ANO10: variants seen among roughly 807,000 people sequenced by gnomAD.
The protein encoded by ANO10 is anoctamin-10.
ANO10 carries 77 observed loss-of-function variants against 74.7 expected under a neutral mutation model. The observed-to-expected ratio is 1.03, with a 90% CI of 0.86 to 1.25. The LOEUF (loss-of-function observed/expected upper bound fraction) is 1.25. Ranked by LOEUF, ANO10 falls within the 50% of genes most tolerant of loss-of-function variation. The pLI is 0.00. For missense variants in ANO10, 721 were observed against 778.1 expected (o/e 0.93, Z 0.87); for synonymous variants, 279 against 284.9 (o/e 0.98, Z 0.21).
chr3:43,547,076 G>A (rs180867332), intron 11 of ANO10, among the ~76,000 whole-genome samples: 26 of 152,156 alleles, frequency 1.7e-4, no homozygotes, highest in African/African-American at 5.5e-4. Flanking sequence ...AACTACAGGC[G>A]AACACCAATT....
At chr3:43,487,927 G>A (rs1223388497) in intron 11 of ANO10, among the ~76,000 whole-genome samples, 1 of 151,616 alleles carries the variant, frequency 6.6e-6, no homozygotes, top group Non-Finnish European at 1.5e-5. Flanking sequence ...TATACTACAA[G>A]GCTACAGTAA....
At chr3:43,440,414 C>G (rs1378370508) in intron 11 of ANO10, among the ~76,000 whole-genome samples, 1 of 152,018 alleles carries the variant, frequency 6.6e-6, no homozygotes, top group Non-Finnish European at 1.5e-5. Flanking sequence ...ATACTTACAT[C>G]AGACAAAATA....
intron 11 of ANO10, among the ~76,000 whole-genome samples, chr3:43,497,298 T>A (rs2076951519): frequency 6.6e-6 from 1 of 152,152 alleles, no homozygotes; most frequent in Non-Finnish European, 1.5e-5. Context: ...AATAAGCGAG[T>A]AATGCTTTTG....
intron 12 of ANO10, among the ~76,000 whole-genome samples, chr3:43,394,820 G>A (rs1352520714): frequency 6.6e-6 from 1 of 152,104 alleles, no homozygotes; most frequent in Non-Finnish European, 1.5e-5. Flanking sequence ...CATGGGCAAG[G>A]TCCTACCACT....
intron 11 of ANO10, among the ~76,000 whole-genome samples, chr3:43,522,320 TA>T (rs922864168): frequency 6.6e-6 from 1 of 152,088 alleles, no homozygotes; most frequent in South Asian, 2.1e-4. Flanking sequence ...TTTACCATGA[TA>T]AAAAAATACA....
intron 12 of ANO10, among the ~76,000 whole-genome samples, chr3:43,406,872 C>T (rs1349171840): frequency 1.3e-5 from 2 of 152,000 alleles, no homozygotes; most frequent in East Asian, 1.9e-4. Context: ...GGTTATTCCA[C>T]CTGCAGTGTG....
rs1169816392 is a variant in ANO10, at chr3:43,562,455, C to CAAAAAAA, written c.1294-1060_1294-1054dup. Among the ~76,000 whole-genome samples the CAAAAAAA allele has an allele frequency of 1.3e-3, 90 of 69,910 alleles. 11 individuals carry two copies. Among genetic ancestry groups the CAAAAAAA allele is most frequent in the East Asian group, 5.0e-3 (10 of 1,998 alleles). The allele number at this position is 69,910 out of a possible 152,430, so 45.9% of individuals were successfully genotyped here. On this transcript the variant is annotated intron_variant, in intron 8 of 12. Transcript: ENST00000292246. ...CGGCAGAACGAGGCTCTGTCTCAAA[C>CAAAAAAA]AAAAAAAAAAAAAAAAGAAGTTTGA...
chr3:43,404,522 C>T (rs748778097), intron 12 of ANO10, among the ~76,000 whole-genome samples: 19 of 152,144 alleles, frequency 1.2e-4, no homozygotes, highest in Admixed American at 2.6e-4. Flanking sequence ...ACAGAAACTG[C>T]GAAATAACAA....
At chr3:43,445,479 TTTTAC>T (rs1488222438) in intron 11 of ANO10, among the ~76,000 whole-genome samples, 1 of 152,174 alleles carries the variant, frequency 6.6e-6, no homozygotes, top group Non-Finnish European at 1.5e-5. Context: ...TTAAAAAGAC[TTTTAC>T]TTTATCATAT....
At chr3:43,633,638 T>A (rs181460319) in intron 1 of ANO10, among the ~76,000 whole-genome samples, 13 of 152,354 alleles carry the variant, frequency 8.5e-5, no homozygotes, top group African/African-American at 3.1e-4. Flanking sequence ...TTCTGAATCA[T>A]GAGTGTCAAG....
chr3:43,549,662 T>C (rs2079364310), intron 11 of ANO10, 58 bp downstream of exon 11: 2 of 1,599,712 alleles, frequency 1.3e-6, no homozygotes, highest in Non-Finnish European at 1.7e-6. Flanking sequence ...CAGCACTGCT[T>C]TGGAATAGAG....
chr3:43,612,036 C>T (rs1240130061), intron 1 of ANO10, among the ~76,000 whole-genome samples: 2 of 151,142 alleles, frequency 1.3e-5, no homozygotes, highest in South Asian at 4.2e-4. Context: ...TCTCTCCCTA[C>T]CTCTAGAATC....
intron 11 of ANO10, among the ~76,000 whole-genome samples, chr3:43,451,442 C>T (rs531619128): frequency 9.2e-5 from 14 of 152,346 alleles, no homozygotes; most frequent in African/African-American, 3.4e-4. Context: ...CTTCCTTTCC[C>T]ATCCCTTTCA....
chr3:43,605,447 G>T (rs2082515654), intron 2 of ANO10, among the ~76,000 whole-genome samples: 1 of 152,086 alleles, frequency 6.6e-6, no homozygotes, highest in South Asian at 2.1e-4. Context: ...AGTGTGGTAG[G>T]CATACTATTT....
rs201522767 is a variant in ANO10, at chr3:43,572,236, A to AC, written c.1218+2572dup. Among the ~76,000 whole-genome samples, 837 of 151,974 alleles carry AC rather than the reference A, an allele frequency of 5.5e-3. 6 individuals carry two copies. Among genetic ancestry groups the AC allele is most frequent in the African/African-American group, 0.019 (800 of 41,442 alleles). Reference sequence around the variant, plus strand: ...AATTGGCAAGGGGAAATCAATCAGGACCCCCCCACCAACAATAAGTTTCCT... The same window carrying AC: ...AATTGGCAAGGGGAAATCAATCAGGACCCCCCCCACCAACAATAAGTTTCCT... On this transcript the variant is annotated intron_variant, in intron 7 of 12. Transcript: ENST00000292246.
chr3:43,377,130 G>A (rs946688724), intron 12 of ANO10, among the ~76,000 whole-genome samples: 6 of 152,122 alleles, frequency 3.9e-5, no homozygotes, highest in Non-Finnish European at 7.4e-5. Flanking sequence ...CACCTAGGCT[G>A]GAGTGGAGTG....
At chr3:43,562,174 C>T (rs867976538) in intron 8 of ANO10, among the ~76,000 whole-genome samples, 4 of 151,700 alleles carry the variant, frequency 2.6e-5, no homozygotes, top group South Asian at 2.1e-4. Flanking sequence ...AGTTTGAGGC[C>T]GGGCACAGTG....
intron 1 of ANO10, among the ~76,000 whole-genome samples, chr3:43,615,975 T>C (rs564944442): frequency 7.2e-5 from 11 of 152,270 alleles, no homozygotes; most frequent in Admixed American, 4.6e-4. Flanking sequence ...TTTTTAACTA[T>C]ATGATACAAG....
At chr3:43,637,115 A>G (rs1346156377) in intron 1 of ANO10, among the ~76,000 whole-genome samples, 1 of 152,198 alleles carries the variant, frequency 6.6e-6, no homozygotes, top group Non-Finnish European at 1.5e-5. Context: ...AGCTGAAGTG[A>G]GCTGTGTTTG....
Sources: allele counts gnomAD v4.1 joint callset (sites outside exome capture counted in the v4.1 genomes callset), GRCh38; gene constraint gnomAD v4.1.1; transcripts MANE v1.5; gene names NCBI Gene and HGNC (gene_info 2026-07-23, HGNC 2026-07-21).